The following ADGRA1 variants were observed in gnomAD, a reference collection of about 807,000 sequenced individuals.
The protein encoded by ADGRA1 is adhesion G protein-coupled receptor A1.
Under a neutral mutation model 21.3 loss-of-function variants are expected in ADGRA1, and 12 were observed. That is an observed-to-expected ratio of 0.56 (90% CI 0.36 to 0.91). The LOEUF is 0.91. ADGRA1 is among the 40% of genes least tolerant of loss of function. ADGRA1 has a pLI of 0.01. For synonymous variants in ADGRA1, 385 were observed against 368.8 expected (o/e 1.04, Z -0.50); for missense variants, 790 against 805.6 (o/e 0.98, Z 0.23).
chr10:133,090,997 C>A (rs1467560123), intron 2 of ADGRA1, among the ~76,000 whole-genome samples: 2 of 152,224 alleles, frequency 1.3e-5, no homozygotes, highest in Non-Finnish European at 2.9e-5. Context: ...AGCTGGGGCA[C>A]CTCCTTCTGC....
At position 133,118,926 on chromosome 10, in the gene ADGRA1, CAT is replaced by C. The variant is rs756935744; in HGVS notation, c.402-8306_402-8305del. Among the ~76,000 whole-genome samples, 44 of 150,706 alleles carry C rather than the reference CAT, an allele frequency of 2.9e-4. 1 individual carries two copies. Among genetic ancestry groups the C allele is most frequent in the African/African-American group, 6.3e-4 (26 of 41,074 alleles). ...CACGTACACTCACACACCACACACA[CAT>C]GCATTGCACACATGTGCACACACAC... is the stretch of plus-strand genomic sequence containing the variant. On this transcript the variant is annotated intron_variant, in intron 5 of 6. Transcript: ENST00000392607.
chr10:133,104,653 T>C (rs1263376156), intron 5 of ADGRA1, among the ~76,000 whole-genome samples: 3 of 152,144 alleles, frequency 2.0e-5, no homozygotes, highest in African/African-American at 4.8e-5. Context: ...GGTCTTGACA[T>C]TGTGGCAGGG....
At chr10:133,089,436 A>C (rs1034448047) in intron 2 of ADGRA1, among the ~76,000 whole-genome samples, 1 of 152,234 alleles carries the variant, frequency 6.6e-6, no homozygotes, top group African/African-American at 2.4e-5. Flanking sequence ...TTCAGCGGGA[A>C]GGGGCTCGTG....
intron 5 of ADGRA1, among the ~76,000 whole-genome samples, chr10:133,122,732 G>T (rs1428867620): frequency 6.6e-6 from 1 of 152,102 alleles, no homozygotes; most frequent in South Asian, 2.1e-4. Context: ...CTTGGGGCCG[G>T]CCCCACCCCT....
intron 5 of ADGRA1, among the ~76,000 whole-genome samples, chr10:133,120,298 G>A (rs924468180): frequency 1.3e-5 from 2 of 152,160 alleles, no homozygotes; most frequent in African/African-American, 2.4e-5. Flanking sequence ...CCAGCTGCTC[G>A]GGAGGCTGAG....
chr10:133,127,663 T>G (rs1389876042), intron 6 of ADGRA1, among the ~76,000 whole-genome samples: 1 of 152,030 alleles, frequency 6.6e-6, no homozygotes, highest in Non-Finnish European at 1.5e-5. Flanking sequence ...GGAACGGCGG[T>G]CCAGCCATCA....
chr10:133,097,125 GC>G, intron 3 of ADGRA1, 24 bp downstream of exon 3: 2 of 1,600,826 alleles, frequency 1.2e-6, no homozygotes, highest in South Asian at 2.2e-5. Flanking sequence ...GGGCAAGGGC[GC>G]CCCCTGTGCC....
chr10:133,102,136 G>A (rs573514257), intron 4 of ADGRA1: 59 of 439,658 alleles, frequency 1.3e-4, no homozygotes, highest in Non-Finnish European at 1.6e-4. Context: ...GAGGAACGGC[G>A]ACCTGCAGGG....
intron 4 of ADGRA1, among the ~76,000 whole-genome samples, chr10:133,101,823 C>T (rs543968335): frequency 1.1e-4 from 16 of 152,290 alleles, no homozygotes; most frequent in African/African-American, 3.8e-4. Flanking sequence ...CTGCCCCCAG[C>T]GGCGCACAGG....
chr10:133,119,272 A>G (rs1185899326), intron 5 of ADGRA1, among the ~76,000 whole-genome samples: 1 of 152,154 alleles, frequency 6.6e-6, no homozygotes, highest in East Asian at 1.9e-4. Flanking sequence ...AAAAAAAAAA[A>G]AAATGCTAGT....
chr10:133,117,225 C>G (rs1403672359), intron 5 of ADGRA1, among the ~76,000 whole-genome samples: 1 of 152,214 alleles, frequency 6.6e-6, no homozygotes, highest in African/African-American at 2.4e-5. Context: ...TGTGAGTGGA[C>G]AGAGGGACAC....
At chr10:133,098,149 G>A (rs1375760222) in intron 3 of ADGRA1, among the ~76,000 whole-genome samples, 1 of 152,210 alleles carries the variant, frequency 6.6e-6, no homozygotes, top group African/African-American at 2.4e-5. Flanking sequence ...CAGACATGGT[G>A]GTGGTCATGG....
intron 4 of ADGRA1, among the ~76,000 whole-genome samples, chr10:133,101,359 G>A (rs551635827): frequency 2.0e-5 from 3 of 152,346 alleles, no homozygotes; most frequent in East Asian, 1.9e-4. Flanking sequence ...AGCCCCATTC[G>A]CATGCTAAGT....
At chr10:133,113,356 C>T (rs1192352496) in intron 5 of ADGRA1, among the ~76,000 whole-genome samples, 2 of 152,232 alleles carry the variant, frequency 1.3e-5, no homozygotes, top group Non-Finnish European at 2.9e-5. Context: ...GATGCCTGCT[C>T]CCGCCTTCAC....
chr10:133,123,916 T>C (rs768909508), intron 5 of ADGRA1, among the ~76,000 whole-genome samples: 2 of 152,164 alleles, frequency 1.3e-5, no homozygotes, highest in Non-Finnish European at 2.9e-5. Flanking sequence ...CTTAACCCCA[T>C]GTGCAAGGTC....
Position 133,093,040 on chromosome 10 carries a change from C to G in ADGRA1, c.4-3934C>G, listed in dbSNP as rs760831373. ...GCCAGTCGGAGCTGCAGACCTGGCC[C>G]CGGACACCTCACTGTGTAGGAAAGA... On this transcript the variant is annotated intron_variant, in intron 2 of 6. Coordinates refer to ENST00000392607, the MANE Select transcript of ADGRA1 (RefSeq NM_001083909.3). 2.5e-6 allele frequency: 4 copies of G among 1,595,574 alleles called. No homozygotes were observed. In the East Asian group the frequency reaches 8.9e-5, roughly 36 times the overall value.
In ADGRA1 at chr10:133,128,579, T is replaced by C. The variant is rs1488852523; in HGVS notation, c.751T>C (p.Ser251Pro). The C allele has an allele frequency of 6.3e-7, 1 of 1,584,098 alleles. No individual in the cohort carries two copies. Among genetic ancestry groups the C allele is most frequent in the East Asian group, 2.3e-5 (1 of 43,198 alleles). Residue 251 changes from serine to proline, a missense_variant, in exon 7 of 7, where the codon TCA becomes CCA. Around this residue, in one of 3 missense-constraint regions of ADGRA1, gnomAD observed 382 missense variants for 415.6 expected, o/e 0.92. Coordinates refer to ENST00000392607, the MANE Select transcript of ADGRA1 (RefSeq NM_001083909.3). The part of the protein sequence containing the change: ...PGASVLQNEH[S>P]FQAQLRAAAF... ...CGCCTCCGTGCTGCAGAACGAGCAC[T>C]CATTCCAGGCACAGCTGCGCGCCGC...
In ADGRA1 at chr10:133,129,596, C is replaced by A. The variant is rs1049965121; in HGVS notation, c.*85C>A. On this transcript the variant is annotated 3_prime_UTR_variant, in exon 7 of 7. Coordinates refer to ENST00000392607, the MANE Select transcript of ADGRA1 (RefSeq NM_001083909.3). ...TGCCACATGAGGTCACTGGGGGTAC[C>A]GAAGTGACCCCGCCTTTCAGAAGCC... 1 of 1,185,536 alleles carries A rather than the reference C, an allele frequency of 8.4e-7. No homozygotes were observed. Among genetic ancestry groups the A allele is most frequent in the African/African-American group, 1.6e-5 (1 of 63,030 alleles). 73.4% of individuals were successfully genotyped at this position (1,185,536 alleles called of 1,614,324 possible).
At chr10:133,090,807 G>A (rs985059975) in intron 2 of ADGRA1, among the ~76,000 whole-genome samples, 1 of 152,210 alleles carries the variant, frequency 6.6e-6, no homozygotes, top group African/African-American at 2.4e-5. Context: ...ATTCTTTGGT[G>A]GCATCGCTCC....
Sources: gnomAD v4.1 joint callset for allele counts (sites outside exome capture counted in the v4.1 genomes callset) on GRCh38, gnomAD v4.1.1 for gene constraint, gnomAD v4.1.1 regional missense constraint, MANE v1.5 for transcripts, NCBI Gene and HGNC (gene_info 2026-07-23, HGNC 2026-07-21) for gene names.